Variants in KIF13B observed in about 807,000 individuals in gnomAD.
KIF13B encodes kinesin-like protein KIF13B.
KIF13B carries 127 observed loss-of-function variants against 222.0 expected under a neutral mutation model. The observed-to-expected ratio is 0.57, with a 90% CI of 0.50 to 0.66. KIF13B has a LOEUF of 0.66. Ranked by LOEUF, KIF13B falls within the 30% of genes least tolerant of loss-of-function variation. The probability of loss-of-function intolerance (pLI) is 0.00; values close to 1 mark genes in which losing one functional copy is unlikely to be tolerated. For missense variants in KIF13B, 2,173 were observed against 2,379.0 expected, an observed-to-expected ratio of 0.91 and a Z score of 1.80; for synonymous variants, 976 against 919.0, an observed-to-expected ratio of 1.06 and a Z score of -1.12.
At chr8:29,192,859 G>A (rs1285351981) in intron 3 of KIF13B, among the ~76,000 whole-genome samples, 1 of 152,176 alleles carries the variant, frequency 6.6e-6, no homozygotes, top group Non-Finnish European at 1.5e-5. Flanking sequence ...AAGAGTGCTT[G>A]CTTGTGCCTG....
chr8:29,248,811 T>C (rs1816154226), intron 1 of KIF13B, among the ~76,000 whole-genome samples: 1 of 152,222 alleles, frequency 6.6e-6, no homozygotes. Context: ...ATGATTCCAC[T>C]TACTTGAAAT....
intron 21 of KIF13B, among the ~76,000 whole-genome samples, chr8:29,137,667 C>T (rs760555701): frequency 2.6e-5 from 4 of 152,104 alleles, no homozygotes; most frequent in African/African-American, 4.8e-5. Flanking sequence ...GCTTATTTGT[C>T]CTCGTCCTTT....
chr8:29,213,516 A>T (rs1431470156), intron 2 of KIF13B, among the ~76,000 whole-genome samples: 2 of 152,236 alleles, frequency 1.3e-5, no homozygotes, highest in African/African-American at 4.8e-5. Context: ...GCACCATAGA[A>T]TGTATTTATA....
intron 37 of KIF13B, among the ~76,000 whole-genome samples, chr8:29,087,204 A>G (rs1586757492): frequency 6.6e-6 from 1 of 152,316 alleles, no homozygotes; most frequent in Middle Eastern, 3.4e-3. Context: ...TGGAGTGGAG[A>G]AGGTAGTTAC....
chr8:29,113,239 T>C (rs541432628), intron 32 of KIF13B, among the ~76,000 whole-genome samples: 33 of 152,232 alleles, frequency 2.2e-4, no homozygotes, highest in Non-Finnish European at 4.4e-4. Context: ...AGGTGTTGAT[T>C]TGCTTTTCAA....
At chr8:29,126,720 T>G (rs772730084) in intron 25 of KIF13B, among the ~76,000 whole-genome samples, 3 of 152,210 alleles carry the variant, frequency 2.0e-5, no homozygotes, top group Non-Finnish European at 4.4e-5. Context: ...CACACTCATT[T>G]GACCTTTTCG....
chr8:29,074,495 A>T (rs1338216783), intron 38 of KIF13B, among the ~76,000 whole-genome samples: 1 of 152,234 alleles, frequency 6.6e-6, no homozygotes, highest in Non-Finnish European at 1.5e-5. Context: ...ACTTCTGCAA[A>T]AGCCCAAGCT....
At chr8:29,234,773 T>G (rs964072775) in intron 2 of KIF13B, among the ~76,000 whole-genome samples, 2 of 149,348 alleles carry the variant, frequency 1.3e-5, no homozygotes, top group South Asian at 4.2e-4. Context: ...CTTTTGTGAC[T>G]GAAGCCAGTA....
chr8:29,149,470 G>A (rs989638729), intron 15 of KIF13B, among the ~76,000 whole-genome samples: 13 of 152,202 alleles, frequency 8.5e-5, no homozygotes, highest in Non-Finnish European at 1.6e-4. Context: ...CAGCCTGCCT[G>A]CCTTGTCAAC....
chr8:29,125,319 A>G (rs1237547984), intron 26 of KIF13B, among the ~76,000 whole-genome samples: 5 of 152,168 alleles, frequency 3.3e-5, no homozygotes, highest in Admixed American at 3.3e-4. Context: ...ATAAGGTTAC[A>G]AGACTGGGTA....
At chr8:29,232,241 C>A (rs1487424980) in intron 2 of KIF13B, among the ~76,000 whole-genome samples, 1 of 151,222 alleles carries the variant, frequency 6.6e-6, no homozygotes, top group Admixed American at 6.6e-5. Context: ...CCAGCCTGGG[C>A]AACAGAGTGA....
At chr8:29,175,313 T>A (rs1226395028) in intron 10 of KIF13B, among the ~76,000 whole-genome samples, 2 of 152,106 alleles carry the variant, frequency 1.3e-5, no homozygotes, top group East Asian at 3.9e-4. Flanking sequence ...TTCACCAGAC[T>A]CCTATTACAT....
intron 4 of KIF13B, among the ~76,000 whole-genome samples, chr8:29,188,874 C>A (rs1813057693): frequency 6.6e-6 from 1 of 152,184 alleles, no homozygotes; most frequent in Non-Finnish European, 1.5e-5. Flanking sequence ...ATGAGCTGCT[C>A]ACTTTATAAT....
rs780051811 is a variant in KIF13B at position 29,180,166 on chromosome 8, T to C, written c.658A>G (p.Ser220Gly). 1.5e-5 allele frequency: 24 copies of C among 1,614,068 alleles called. No homozygotes were observed. The highest frequency in any genetic ancestry group is 1.6e-4 in the Middle Eastern group (1 of 6,062). Residue 220 changes from serine (S) to glycine (G), a missense_variant, in exon 8 of 40, where the codon AGC (serine) becomes GGC (glycine). This residue lies in a region of KIF13B where 1,480 missense variants were observed against 1,722.8 expected (regional missense o/e 0.86). Coordinates refer to ENST00000524189, the MANE Select transcript of KIF13B (RefSeq NM_015254.4). Reference protein sequence around the residue: ...VAATNMNEESSRSHAVFKITL... With the variant: ...VAATNMNEESGRSHAVFKITL... ...ATTTTGAAAACTGCATGGGATCGGC[T>C]ACTCTCCTCGTTCATGTTGGTTGCA...
intron 13 of KIF13B, among the ~76,000 whole-genome samples, chr8:29,158,908 A>T (rs1455548508): frequency 6.6e-6 from 1 of 152,182 alleles, no homozygotes; most frequent in East Asian, 1.9e-4. Flanking sequence ...GATATGAATC[A>T]GAGTTTTTTC....
chr8:29,104,172 C>T (rs554328279), intron 35 of KIF13B, among the ~76,000 whole-genome samples: 1 of 152,226 alleles, frequency 6.6e-6, no homozygotes, highest in Admixed American at 6.5e-5. Flanking sequence ...CAGCCAACCC[C>T]GCCCCACACT....
chr8:29,182,066 A>G (rs1812737228), intron 6 of KIF13B, 60 bp from the exon 7 acceptor site: 10 of 1,250,722 alleles, frequency 8.0e-6, no homozygotes, highest in Non-Finnish European at 1.0e-5. Flanking sequence ...AAAAGGACTC[A>G]GCTCTGCTCC....
intron 2 of KIF13B, among the ~76,000 whole-genome samples, chr8:29,239,231 G>A (rs1416823588): frequency 2.6e-5 from 4 of 152,242 alleles, no homozygotes; most frequent in Admixed American, 1.3e-4. Flanking sequence ...CAACTTACAC[G>A]GAGGTGTTCT....
At chr8:29,195,664 AC>A (rs1334087043) in intron 3 of KIF13B, among the ~76,000 whole-genome samples, 1 of 152,184 alleles carries the variant, frequency 6.6e-6, no homozygotes, top group African/African-American at 2.4e-5. Flanking sequence ...TCCCTAAGAG[AC>A]AGAGGTGAAA....
Sources: gnomAD v4.1 joint callset for allele counts (sites outside exome capture counted in the v4.1 genomes callset) on GRCh38, gnomAD v4.1.1 for gene constraint, gnomAD v4.1.1 regional missense constraint, MANE v1.5 for transcripts, NCBI Gene and HGNC (gene_info 2026-07-23, HGNC 2026-07-21) for gene names.